Variants in MESD observed in about 807,000 individuals in gnomAD.
The protein encoded by MESD is LRP chaperone MESD.
MESD carries 7 observed loss-of-function variants against 12.9 expected under a neutral mutation model. The observed-to-expected ratio is 0.54, with a 90% CI of 0.31 to 1.02. The LOEUF (loss-of-function observed/expected upper bound fraction) is 1.02. Among genes scored for constraint, MESD ranks in the 50% least tolerant of loss-of-function variants. The pLI, the probability that MESD is intolerant of heterozygous loss-of-function variation, is 0.05. For missense variants in MESD, 342 were observed against 296.7 expected (o/e 1.15, Z -1.12); for synonymous variants, 126 against 115.6 (o/e 1.09, Z -0.58).
In MESD at chr15:80,968,908, G is replaced by A. The variant is rs901970614; in HGVS notation, c.*288+10023C>T. The stretch of plus-strand genomic sequence containing the variant: ...TGTGGGGTTGTGAAGGGTAAATGAG[G>A]TCGGGCACAGTGGTTCACACCTGTA... On this transcript the variant is annotated intron_variant, in intron 3 of 4. Transcript: ENST00000561312. Among the ~76,000 whole-genome samples, 39 of 152,082 alleles carry A rather than the reference G, an allele frequency of 2.6e-4. 1 individual carries two copies. The highest frequency in any genetic ancestry group is 1.0e-4 in the Non-Finnish European group (7 of 68,026).
Position 80,989,678 on chromosome 15 carries a change from G to A in MESD, c.114C>T (p.Pro38=), listed in dbSNP as rs756579289. The A allele has an allele frequency of 6.2e-7, 1 of 1,613,038 alleles. No homozygotes were observed. Among genetic ancestry groups the A allele is most frequent in the African/African-American group, 1.3e-5 (1 of 74,886 alleles). Residue 38 remains proline (P), a synonymous_variant, in exon 1 of 3, where the codon CCC becomes CCT. Coordinates refer to ENST00000261758, the MANE Select transcript of MESD (RefSeq NM_015154.3). Reference sequence around the variant, plus strand: ...GTGGGGTAGACTCGTCGGGCGTCCCGGGCGAGCCTTCGGCCGCGCAGGACC... The same window carrying A: ...GTGGGGTAGACTCGTCGGGCGTCCCAGGCGAGCCTTCGGCCGCGCAGGACC... ...PPGSCAAEGS[P]GTPDESTPPP...
exon 5 of MESD, chr15:80,948,338 CCTCT>C (rs1221019244): frequency 3.7e-6 from 1 of 269,158 alleles, no homozygotes; most frequent in African/African-American, 2.2e-5. Flanking sequence ...AATTTCTTCA[CCTCT>C]CAGAACTCTT....
chr15:80,967,316 A>G (rs961995054), intron 3 of MESD, among the ~76,000 whole-genome samples: 3 of 152,160 alleles, frequency 2.0e-5, no homozygotes, highest in Non-Finnish European at 4.4e-5. Context: ...GAAAAAAGAA[A>G]AGAAAAGAAG....
At chr15:80,948,428 G>C (rs1214502344) in exon 5 of MESD, 1 of 352,536 alleles carries the variant, frequency 2.8e-6, no homozygotes, top group Non-Finnish European at 5.6e-6. Context: ...TGGGAACACT[G>C]GGCTTCAGAG....
At position 80,982,010 on chromosome 15, in the gene MESD, G is replaced by T; in HGVS notation, c.386C>A (p.Thr129Lys). Reference sequence around the variant, plus strand: ...CTGCCAGAGGCTCGTAATTTCCTCTGTCTCCTTCTCAGTAGGGCTTCCTGA... The same window carrying T: ...CTGCCAGAGGCTCGTAATTTCCTCTTTCTCCTTCTCAGTAGGGCTTCCTGA... ...TVSGSPTEKE[T>K]EEITSLWQGS... The change falls in exon 2 of 3, where the codon ACA becomes AAA. Residue 129 changes from threonine to lysine, a missense_variant. Transcript: ENST00000261758. The T allele has an allele frequency of 6.2e-7, 1 of 1,614,154 alleles. No individual in the cohort carries two copies. Among genetic ancestry groups the T allele is most frequent in the Non-Finnish European group, 8.5e-7 (1 of 1,180,020 alleles).
chr15:80,970,631 C>T (rs930996350), intron 3 of MESD: 1 of 152,234 alleles, frequency 6.6e-6, no homozygotes, highest in African/African-American at 2.4e-5. Flanking sequence ...CTCAGCCACT[C>T]CTATTCTTCG....
At chr15:80,952,434 A>G in intron 3 of MESD, 1 of 289,074 alleles carries the variant, frequency 3.5e-6, no homozygotes, top group Admixed American at 4.6e-5. Context: ...GCAATTAAAA[A>G]TGCAGTTCCT....
intron 1 of MESD, among the ~76,000 whole-genome samples, chr15:80,983,666 AGAT>A (rs1355834971): frequency 1.3e-5 from 2 of 152,332 alleles, no homozygotes; most frequent in East Asian, 3.9e-4. Context: ...GAGAGACAGA[AGAT>A]GAGCCTAGAA....
rs572806360 is a variant in MESD, at chr15:80,955,640, A to T, written c.*289-3344T>A. On this transcript the variant is annotated intron_variant, in intron 3 of 4. Transcript: ENST00000561312. The stretch of plus-strand genomic sequence containing the variant: ...GCGTGTGTGTGTGTGTGTGTGTGTG[A>T]GAGAGACAGAGTCTCTTTAGCCCAG... 9.1e-4 allele frequency among the ~76,000 whole-genome samples: 118 copies of T among 129,602 alleles called. 2 individuals carry two copies. In the Middle Eastern group the frequency reaches 0.021, roughly 23 times the overall value. 85.0% of individuals were successfully genotyped at this position (129,602 alleles called of 152,430 possible). A position where few individuals can be genotyped will look rare whatever the true frequency, so the allele number is the denominator to read the frequency against.
At chr15:80,960,847 A>T (rs541198561) in intron 3 of MESD, among the ~76,000 whole-genome samples, 1 of 152,310 alleles carries the variant, frequency 6.6e-6, no homozygotes, top group African/African-American at 2.4e-5. Context: ...AGGCCGAGAC[A>T]TGTCCAGCAG....
chr15:80,985,534 T>C (rs1469802097), intron 1 of MESD, among the ~76,000 whole-genome samples: 2 of 152,044 alleles, frequency 1.3e-5, no homozygotes, highest in African/African-American at 4.8e-5. Flanking sequence ...ATAGTCTCTT[T>C]AAAACACTTC....
intron 4 of MESD, chr15:80,950,900 G>C (rs978134314): frequency 6.5e-6 from 1 of 152,694 alleles, no homozygotes. Flanking sequence ...GGCCTGCCTG[G>C]CTCCCTCCAC....
intron 1 of MESD, among the ~76,000 whole-genome samples, chr15:80,987,100 C>A (rs2141817921): frequency 1.3e-5 from 2 of 152,302 alleles, no homozygotes; most frequent in East Asian, 3.9e-4. Context: ...AATGTAATAA[C>A]CACCTTTGGT....
chr15:80,957,111 C>T (rs1307691116), intron 3 of MESD, among the ~76,000 whole-genome samples: 1 of 152,106 alleles, frequency 6.6e-6, no homozygotes, highest in African/African-American at 2.4e-5. Context: ...AGATATGAAC[C>T]ACCATGCTCA....
rs1902402901 is a variant in MESD at position 80,975,958 on chromosome 15, C to A, written c.*3261G>T. 1 of 152,198 alleles carries A rather than the reference C, an allele frequency of 6.6e-6. No individual in the cohort carries two copies. The highest frequency in any genetic ancestry group is 2.1e-4 in the South Asian group (1 of 4,828). 9.4% of individuals were successfully genotyped at this position (152,198 alleles called of 1,614,324 possible). ...CTAGTGAGGGCAACAGAGTGAGACC[C>A]TGTCTCAAAAACAAAAACAAATGAC... is the stretch of plus-strand genomic sequence containing the variant. On this transcript the variant is annotated 3_prime_UTR_variant, in exon 3 of 3. Transcript: ENST00000261758.
Position 80,955,070 on chromosome 15 carries a change from G to A in MESD, c.*289-2774C>T, listed in dbSNP as rs533678950. Among the ~76,000 whole-genome samples the A allele has an allele frequency of 7.4e-4, 112 of 152,078 alleles. 1 individual carries two copies. Among genetic ancestry groups the A allele is most frequent in the South Asian group, 7.3e-3 (35 of 4,816 alleles). On this transcript the variant is annotated intron_variant, in intron 3 of 4. Transcript: ENST00000561312. ...CCAGCACTTTGGGAGGCTGAGGCAG[G>A]TGAATCGCTTGAGCCCAGGAATTCA...
intron 3 of MESD, among the ~76,000 whole-genome samples, chr15:80,954,736 G>C (rs1901929958): frequency 6.6e-6 from 1 of 152,234 alleles, no homozygotes; most frequent in Non-Finnish European, 1.5e-5. Context: ...AAGCTATAAA[G>C]CAAGCTCGTC....
downstream of MESD, among the ~76,000 whole-genome samples, chr15:80,975,255 C>CATGCTTG (rs1902382025): frequency 1.3e-5 from 2 of 150,696 alleles, no homozygotes; most frequent in South Asian, 4.2e-4. Context: ...CATAGTGGTG[C>CATGCTTG]ATGCTTGTAG....
At chr15:80,987,592 G>C (rs1198175365) in intron 1 of MESD, among the ~76,000 whole-genome samples, 1 of 151,764 alleles carries the variant, frequency 6.6e-6, no homozygotes, top group African/African-American at 2.4e-5. Flanking sequence ...TGGTTCAAGC[G>C]ATTCTTGTGC....
Sources: gnomAD v4.1 joint callset for allele counts (sites outside exome capture counted in the v4.1 genomes callset) on GRCh38, gnomAD v4.1.1 for gene constraint, MANE v1.5 for transcripts, NCBI Gene and HGNC (gene_info 2026-07-23, HGNC 2026-07-21) for gene names.